FRY: variants seen among roughly 807,000 people sequenced by gnomAD.
FRY encodes the protein FRY microtubule binding protein, also known as protein furry homolog.
FRY carries 128 observed loss-of-function variants against 348.4 expected under a neutral mutation model. The observed-to-expected ratio is 0.37, with a 90% CI of 0.32 to 0.43. FRY has a LOEUF of 0.43. FRY is among the 20% of genes least tolerant of loss of function. The pLI, the probability that FRY is intolerant of heterozygous loss-of-function variation, is 1.00. For missense variants in FRY, 2,736 were observed against 3,695.2 expected (o/e 0.74, Z 6.73); for synonymous variants, 1,370 against 1,374.7 (o/e 1.00, Z 0.08).
chr13:32,037,171 G>A (rs1036311880), intron 1 of FRY, among the ~76,000 whole-genome samples: 2 of 152,048 alleles, frequency 1.3e-5, no homozygotes, highest in African/African-American at 4.8e-5. Flanking sequence ...AGACAGTTCT[G>A]TGCCCTATGA....
intron 49 of FRY, among the ~76,000 whole-genome samples, chr13:32,251,301 T>C (rs1224949085): frequency 1.3e-5 from 2 of 152,208 alleles, no homozygotes; most frequent in African/African-American, 4.8e-5. Context: ...TGTTTAACTT[T>C]AGGAAGAAGA....
intron 34 of FRY, among the ~76,000 whole-genome samples, chr13:32,211,478 A>C (rs1884682734): frequency 6.6e-6 from 1 of 152,060 alleles, no homozygotes; most frequent in South Asian, 2.1e-4. Flanking sequence ...AGAATAACTG[A>C]GTTTCTTAGG....
intron 1 of FRY, among the ~76,000 whole-genome samples, chr13:32,051,047 G>T (rs947215912): frequency 3.9e-5 from 6 of 152,158 alleles, no homozygotes; most frequent in Admixed American, 6.5e-5. Context: ...ATACCAATAT[G>T]GTTGAGAATA....
intron 14 of FRY, among the ~76,000 whole-genome samples, chr13:32,155,240 TACATGACCATCTCAAACATGCCCTCC>T (rs879464652): frequency 6.8e-4 from 103 of 152,302 alleles, no homozygotes; most frequent in Middle Eastern, 3.4e-3. Flanking sequence ...CAGAATATAG[TACATGACCATCTCAAACATGCCCTCC>T]ACAGTCGGTG....
Position 32,131,701 on chromosome 13 carries a change from C to T in FRY, c.746C>T (p.Ala249Val), listed in dbSNP as rs754777022. ...CCTGCTGTAAAGAAGAAATTTATGG[C>T]GGAGCTAAAAGAATTACGGCACAAA... The part of the protein sequence containing the change: ...KFPAVKKKFM[A>V]ELKELRHKEQ... The change falls in exon 8 of 61, where the codon GCG becomes GTG. Residue 249 changes from alanine (A) to valine (V), a missense_variant. This residue lies in a region of FRY where 309 missense variants were observed against 418.1 expected (regional missense o/e 0.74). Transcript: ENST00000542859. The T allele has an allele frequency of 4.4e-5, 71 of 1,613,462 alleles. No individual in the cohort carries two copies. The highest frequency in any genetic ancestry group is 5.2e-5 in the Non-Finnish European group (61 of 1,179,632).
chr13:32,234,475 G>T, intron 41 of FRY, 99 bp from the exon 42 acceptor site: 1 of 998,194 alleles, frequency 1.0e-6, no homozygotes, highest in Non-Finnish European at 1.6e-6. Context: ...CTACAAGGTA[G>T]CCCTGTGCCG....
chr13:32,078,723 G>A lies in FRY; in HGVS notation c.71-111G>A, dbSNP rs1040647736. The A allele has an allele frequency of 1.8e-4, 156 of 856,312 alleles. 2 individuals carry two copies. The highest frequency in any genetic ancestry group is 1.6e-3 in the Admixed American group (93 of 57,902). 53.0% of individuals were successfully genotyped at this position (856,312 alleles called of 1,614,324 possible). On this transcript the variant is annotated intron_variant, in intron 1 of 60. Coordinates refer to ENST00000542859, the MANE Select transcript of FRY (RefSeq NM_023037.3). ...GAATAAGGCCAGGTTATAATATTAA[G>A]TGTGACTTTCTTGATATGATTCATA...
chr13:32,033,040 A>G (rs1241808241), intron 1 of FRY, among the ~76,000 whole-genome samples: 1 of 152,170 alleles, frequency 6.6e-6, no homozygotes, highest in African/African-American at 2.4e-5. Context: ...GCATCTCTAA[A>G]TGATATCCAT....
intron 1 of FRY, among the ~76,000 whole-genome samples, chr13:32,047,318 G>T (rs1873074915): frequency 1.3e-5 from 2 of 152,208 alleles, no homozygotes; most frequent in Admixed American, 6.5e-5. Flanking sequence ...GAACCAAAGA[G>T]TCTTGGAGCT....
In FRY at chr13:32,239,790, G is replaced by T; in HGVS notation, c.6596G>T (p.Arg2199Met). 3 of 1,614,048 alleles carry T rather than the reference G, an allele frequency of 1.9e-6. No individual in the cohort carries two copies. The highest frequency in any genetic ancestry group is 2.5e-6 in the Non-Finnish European group (3 of 1,179,932). The change falls in exon 46 of 61, where the codon AGG becomes ATG. Residue 2199 changes from arginine (R) to methionine (M), a missense_variant. By Grantham distance (91) the Arg-to-Met change is moderately conservative. Transcript: ENST00000542859. This position sits in a 1 kb window ranked among gnomAD's most constrained non-coding sequence, Gnocchi z 4.3. ...CTTTATAAAACGCACAGCTACACGA[G>T]GGACTGTGCCACGTGGGTCAATGTG... ...MTLYKTHSYT[R>M]DCATWVNVVC...
chr13:32,183,939 C>T (rs1368643191), intron 24 of FRY, among the ~76,000 whole-genome samples: 1 of 152,044 alleles, frequency 6.6e-6, no homozygotes, highest in Non-Finnish European at 1.5e-5. Flanking sequence ...GAGTTTGAGA[C>T]CAGGCTGGGC....
chr13:32,047,859 C>T (rs1046612395), intron 1 of FRY, among the ~76,000 whole-genome samples: 3 of 152,226 alleles, frequency 2.0e-5, no homozygotes, highest in Admixed American at 1.3e-4. Flanking sequence ...AGGTGTGAGG[C>T]ACCACACCCG....
At chr13:32,068,685 A>G (rs1874410204) in intron 1 of FRY, among the ~76,000 whole-genome samples, 1 of 152,224 alleles carries the variant, frequency 6.6e-6, no homozygotes, top group South Asian at 2.1e-4. Flanking sequence ...ACTCTCTCCA[A>G]GGTATTCAGT....
intron 51 of FRY, among the ~76,000 whole-genome samples, chr13:32,255,323 G>A (rs1887277281): frequency 6.6e-6 from 1 of 152,196 alleles, no homozygotes; most frequent in Non-Finnish European, 1.5e-5. Context: ...ATTTCCTGCA[G>A]TAGGTAGGCA....
chr13:32,034,736 A>G (rs1593548119), intron 1 of FRY, among the ~76,000 whole-genome samples: 1 of 152,174 alleles, frequency 6.6e-6, no homozygotes, highest in Non-Finnish European at 1.5e-5. Flanking sequence ...TCTGAGTGTC[A>G]GTGGTAGCCA....
chr13:32,117,209 G>T, intron 3 of FRY, 125 bp from the exon 4 acceptor site: 1 of 837,106 alleles, frequency 1.2e-6, no homozygotes, highest in South Asian at 1.4e-5. Flanking sequence ...GATTATGAAA[G>T]AAAGGACTGT....
rs575565194 is a variant in FRY at position 32,112,994 on chromosome 13, G to T, written c.325-4340G>T. Among the ~76,000 whole-genome samples the T allele has an allele frequency of 2.2e-4, 33 of 152,126 alleles. No individual in the cohort carries two copies. The South Asian group carries it at 5.8e-3, about 27-fold the overall frequency. ...AATGAACTAAGATGTTAAAATCAAA[G>T]AATCTTTTCCTAACTTGAATGAAAA... On this transcript the variant is annotated intron_variant, in intron 3 of 60. Transcript: ENST00000542859.
chr13:32,179,254 G>A (rs996614036), intron 22 of FRY, among the ~76,000 whole-genome samples: 4 of 152,090 alleles, frequency 2.6e-5, no homozygotes, highest in African/African-American at 7.2e-5. Flanking sequence ...TGAGAAACCT[G>A]CTTAAGACCA....
chr13:32,295,167 G>A, intron 60 of FRY, 35 bp from the exon 61 acceptor site: 1 of 1,608,730 alleles, frequency 6.2e-7, no homozygotes, highest in Non-Finnish European at 8.5e-7. Flanking sequence ...GTGACTAATA[G>A]TGCCTCTAAT....
Sources: gnomAD v4.1 joint callset for allele counts (sites outside exome capture counted in the v4.1 genomes callset) on GRCh38, gnomAD v4.1.1 for gene constraint, gnomAD v4.1.1 regional missense constraint, Gnocchi (gnomAD v3.1) non-coding constraint, MANE v1.5 for transcripts, NCBI Gene and HGNC (gene_info 2026-07-23, HGNC 2026-07-21) for gene names.